Variants in PCDH11X observed in about 807,000 individuals in gnomAD.
The protein encoded by PCDH11X is protocadherin-11 X-linked.
A neutral mutation model predicts 53.3 loss-of-function variants in PCDH11X; 18 were observed. That is an observed-to-expected ratio of 0.34 (90% CI 0.23 to 0.50). PCDH11X has a LOEUF of 0.50. PCDH11X is among the 20% of genes least tolerant of loss of function. The pLI is 0.98. For synonymous variants in PCDH11X, 279 were observed against 393.3 expected, an observed-to-expected ratio of 0.71 and a Z score of 3.44; for missense variants, 570 against 1,032.4, an observed-to-expected ratio of 0.55 and a Z score of 6.14.
Position 92,095,885 on chromosome X carries a change from T to C in PCDH11X, c.3034-105490T>C, listed in dbSNP as rs1264828488. ...GTTATTTAAGTGGCAACAAAGTTGA[T>C]TCTGAATTACTTTTTGCTATTCAAG... is the stretch of plus-strand genomic sequence containing the variant. On this transcript the variant is annotated intron_variant, in intron 6 of 10. Coordinates refer to ENST00000682573, the MANE Select transcript of PCDH11X (RefSeq NM_032968.5). Among the ~76,000 whole-genome samples, 12 of 112,059 alleles carry C rather than the reference T, an allele frequency of 1.1e-4. No individual in the cohort carries two copies. The South Asian group carries it at 1.1e-3, about 10-fold the overall frequency.
At chrX:92,019,597 C>A (rs2062851426) in intron 6 of PCDH11X, among the ~76,000 whole-genome samples, 1 of 111,931 alleles carries the variant, frequency 8.9e-6, no homozygotes, top group South Asian at 3.7e-4. Flanking sequence ...GAATAACCTG[C>A]TCCTGAATAA....
At chrX:92,026,180 T>C (rs1223657151) in intron 6 of PCDH11X, among the ~76,000 whole-genome samples, 1 of 109,917 alleles carries the variant, frequency 9.1e-6, no homozygotes, top group Admixed American at 9.8e-5. Context: ...AACCTCCACA[T>C]GTACCTCTGA....
chrX:92,259,228 A>G (rs774187285), intron 7 of PCDH11X, among the ~76,000 whole-genome samples: 1 of 111,247 alleles, frequency 9.0e-6, no homozygotes, highest in African/African-American at 3.3e-5. Context: ...CTTTGTTACA[A>G]TGTCCCACTC....
At chrX:91,987,203 G>A (rs1287210354) in intron 6 of PCDH11X, among the ~76,000 whole-genome samples, 1 of 111,162 alleles carries the variant, frequency 9.0e-6, no homozygotes, top group Non-Finnish European at 1.9e-5. Flanking sequence ...TCCTGCCTCA[G>A]CGTCCCAAGC....
chrX:91,995,525 G>C (rs1417937911), intron 6 of PCDH11X, among the ~76,000 whole-genome samples: 3 of 111,422 alleles, frequency 2.7e-5, no homozygotes, highest in Non-Finnish European at 5.6e-5. Flanking sequence ...ACTCCATTCT[G>C]TTCCATTGGC....
intron 6 of PCDH11X, among the ~76,000 whole-genome samples, chrX:92,169,135 A>T (rs2065781526): frequency 1.0e-5 from 1 of 99,316 alleles, no homozygotes; most frequent in African/African-American, 3.6e-5. Flanking sequence ...GTGGAAAGAA[A>T]GTGTTTATAG....
intron 6 of PCDH11X, among the ~76,000 whole-genome samples, chrX:92,105,048 T>C (rs749233158): frequency 9.8e-6 from 1 of 102,047 alleles, no homozygotes; most frequent in South Asian, 4.1e-4. Context: ...GAAACGTGAG[T>C]GTATAATCAG....
At chrX:92,472,631 AT>A (rs1301970089) in intron 10 of PCDH11X, among the ~76,000 whole-genome samples, 1 of 109,836 alleles carries the variant, frequency 9.1e-6, no homozygotes, top group Non-Finnish European at 1.9e-5. Flanking sequence ...ATTTTTAAAT[AT>A]TTTTTTAAAA....
At chrX:91,846,790 T>C (rs1602351543) in intron 5 of PCDH11X, among the ~76,000 whole-genome samples, 1 of 109,830 alleles carries the variant, frequency 9.1e-6, no homozygotes, top group African/African-American at 3.3e-5. Flanking sequence ...CACAAGGAAT[T>C]ATTGACACTT....
chrX:91,804,834 C>A (rs774423504), intron 1 of PCDH11X, among the ~76,000 whole-genome samples: 18 of 109,592 alleles, frequency 1.6e-4, no homozygotes, highest in African/African-American at 5.6e-4. Context: ...TCCAGAGGAA[C>A]TTTACTCAGT....
rs189957905 is a variant in PCDH11X, at chrX:91,922,667, C to T, written c.3033+43394C>T. Among the ~76,000 whole-genome samples the T allele has an allele frequency of 5.3e-5, 6 of 112,289 alleles. No homozygotes were observed. In the East Asian group the frequency reaches 8.5e-4, roughly 16 times the overall value. On this transcript the variant is annotated intron_variant, in intron 6 of 10. Transcript: ENST00000682573. ...GTGCATGCGAGGGATCTAGGTTGTG[C>T]GTTCCTTGTAATCTAATGCCTGACT...
chrX:91,903,750 A>C (rs1439139382), intron 6 of PCDH11X, among the ~76,000 whole-genome samples: 4 of 109,450 alleles, frequency 3.7e-5, no homozygotes, highest in Non-Finnish European at 7.6e-5. Flanking sequence ...ATGATTAATT[A>C]AAAATTATAA....
At chrX:92,154,269 G>A (rs2065488817) in intron 6 of PCDH11X, among the ~76,000 whole-genome samples, 1 of 110,854 alleles carries the variant, frequency 9.0e-6, no homozygotes, top group Non-Finnish European at 1.9e-5. Flanking sequence ...AGATACTTCA[G>A]GATAAGATAT....
chrX:92,322,708 G>A (rs771432780), intron 8 of PCDH11X, among the ~76,000 whole-genome samples: 8 of 111,257 alleles, frequency 7.2e-5, no homozygotes, highest in Non-Finnish European at 1.3e-4. Context: ...TATTAATAAC[G>A]CTCTTATCAA....
chrX:92,382,570 A>G lies in PCDH11X; in HGVS notation c.3145-5165A>G, dbSNP rs760166028. On this transcript the variant is annotated intron_variant, in intron 8 of 10. Coordinates refer to ENST00000682573, the MANE Select transcript of PCDH11X (RefSeq NM_032968.5). ...TTTAATGGACACAAGAATGCTGGGG[A>G]TTTGATATTTAGTCTGTAAATGATT... Among the ~76,000 whole-genome samples the G allele has an allele frequency of 5.4e-5, 6 of 110,988 alleles. No individual in the cohort carries two copies. The South Asian group carries it at 1.1e-3, about 21-fold the overall frequency.
At chrX:92,610,107 TACTC>T (rs1459547068) in intron 10 of PCDH11X, among the ~76,000 whole-genome samples, 2 of 111,715 alleles carry the variant, frequency 1.8e-5, no homozygotes, top group Non-Finnish European at 3.8e-5. Flanking sequence ...TTGGAGATAA[TACTC>T]AGTAATGAGA....
At chrX:92,212,577 C>T (rs992464477) in intron 7 of PCDH11X, among the ~76,000 whole-genome samples, 10 of 110,685 alleles carry the variant, frequency 9.0e-5, no homozygotes, top group East Asian at 2.9e-4. Flanking sequence ...CGCAAACTGC[C>T]GACATTAGGT....
intron 8 of PCDH11X, among the ~76,000 whole-genome samples, chrX:92,283,389 A>G (rs964185263): frequency 2.7e-5 from 3 of 111,429 alleles, no homozygotes; most frequent in Non-Finnish European, 5.7e-5. Context: ...TTGAGTGTAC[A>G]GTGTTGCAGT....
At chrX:92,363,207 T>G (rs1219856959) in intron 8 of PCDH11X, among the ~76,000 whole-genome samples, 1 of 111,254 alleles carries the variant, frequency 9.0e-6, no homozygotes, top group Non-Finnish European at 1.9e-5. Flanking sequence ...TAGATTTTGA[T>G]AGATATTACA....
Sources: gnomAD v4.1 joint callset for allele counts (sites outside exome capture counted in the v4.1 genomes callset) on GRCh38, gnomAD v4.1.1 for gene constraint, MANE v1.5 for transcripts, NCBI Gene and HGNC (gene_info 2026-07-23, HGNC 2026-07-21) for gene names.